FMN1: variants seen among roughly 807,000 people sequenced by gnomAD.
The protein encoded by FMN1 is formin 1.
A neutral mutation model predicts 132.4 loss-of-function variants in FMN1; 110 were observed. That is an observed-to-expected ratio of 0.83 (90% CI 0.71 to 0.97). FMN1 has a LOEUF of 0.97. Ranked by LOEUF, FMN1 falls within the 50% of genes least tolerant of loss-of-function variation. The probability of loss-of-function intolerance (pLI) is 0.00; values close to 1 mark genes in which losing one functional copy is unlikely to be tolerated. For missense variants in FMN1, 1,792 were observed against 1,705.3 expected, an observed-to-expected ratio of 1.05 and a Z score of -0.90; for synonymous variants, 722 against 651.7, an observed-to-expected ratio of 1.11 and a Z score of -1.64.
chr15:33,182,714 A>G (rs2140344607), intron 2 of FMN1, among the ~76,000 whole-genome samples: 1 of 152,058 alleles, frequency 6.6e-6, no homozygotes, highest in Non-Finnish European at 1.5e-5. Context: ...GGCGCCATCT[A>G]CCTCTCACTG....
chr15:33,172,487 A>C (rs1362782825), intron 3 of FMN1, among the ~76,000 whole-genome samples: 1 of 152,242 alleles, frequency 6.6e-6, no homozygotes, highest in Admixed American at 6.5e-5. Context: ...TGATGGGTAC[A>C]GCCATCTGCA....
chr15:33,129,866 C>A lies in FMN1; in HGVS notation c.1867+23182G>T, dbSNP rs1411290036. Among the ~76,000 whole-genome samples the A allele has an allele frequency of 2.0e-5, 3 of 149,952 alleles. No homozygotes were observed. The East Asian group carries it at 5.9e-4, about 29-fold the overall frequency. ...GGAGTGCAGTGGCACAATCTCGGCT[C>A]ACTGCAACCTCCACCTCCCAGGTTC... is the stretch of plus-strand genomic sequence containing the variant. On this transcript the variant is annotated intron_variant, in intron 4 of 20. Transcript: ENST00000616417.
intron 9 of FMN1, among the ~76,000 whole-genome samples, chr15:32,926,724 G>C (rs2060971097): frequency 6.6e-6 from 1 of 152,166 alleles, no homozygotes; most frequent in Non-Finnish European, 1.5e-5. Context: ...CAGTGATATG[G>C]CCTTGGTAAA....
At chr15:33,167,220 C>T (rs1041045221) in intron 3 of FMN1, among the ~76,000 whole-genome samples, 1 of 152,022 alleles carries the variant, frequency 6.6e-6, no homozygotes, top group African/African-American at 2.4e-5. Context: ...ATCATGGTGG[C>T]GGTTTTCCCA....
chr15:32,872,546 C>T (rs1439923545), intron 16 of FMN1, among the ~76,000 whole-genome samples: 1 of 152,246 alleles, frequency 6.6e-6, no homozygotes, highest in Non-Finnish European at 1.5e-5. Context: ...GCAATTTTTA[C>T]TAGAATTGAG....
intron 17 of FMN1, among the ~76,000 whole-genome samples, chr15:32,829,427 AG>A (rs1040349616): frequency 6.6e-6 from 1 of 152,216 alleles, no homozygotes; most frequent in East Asian, 1.9e-4. Flanking sequence ...CCCCCAGGAG[AG>A]GGGGGTGAAA....
intron 5 of FMN1, chr15:33,067,759 C>T (rs776701862): frequency 9.3e-6 from 15 of 1,613,884 alleles, no homozygotes; most frequent in Admixed American, 8.3e-5. Context: ...CTAATTTACT[C>T]GTAAACCCAA....
chr15:33,155,086 A>G (rs1218893694), intron 3 of FMN1, 41 bp from the exon 4 acceptor site: 20 of 590,832 alleles, frequency 3.4e-5, no homozygotes, highest in Non-Finnish European at 5.7e-5. Flanking sequence ...TGTCTAACAG[A>G]GTGCATAAAT....
intron 2 of FMN1, among the ~76,000 whole-genome samples, chr15:33,183,940 A>T (rs1439932958): frequency 6.6e-6 from 1 of 152,138 alleles, no homozygotes; most frequent in Non-Finnish European, 1.5e-5. Flanking sequence ...AATCACAATG[A>T]CTTTAACTTC....
At chr15:32,920,066 A>T (rs1206196203) in intron 10 of FMN1, among the ~76,000 whole-genome samples, 1 of 152,208 alleles carries the variant, frequency 6.6e-6, no homozygotes, top group Non-Finnish European at 1.5e-5. Flanking sequence ...ATAAATATTA[A>T]TTCTGCGTGT....
intron 17 of FMN1, among the ~76,000 whole-genome samples, chr15:32,824,168 C>A (rs549355685): frequency 6.6e-6 from 1 of 152,204 alleles, no homozygotes; most frequent in Non-Finnish European, 1.5e-5. Context: ...AATCTTTGGT[C>A]ACGTTATTAT....
intron 9 of FMN1, among the ~76,000 whole-genome samples, chr15:32,933,237 T>C (rs1482012672): frequency 6.6e-6 from 1 of 152,236 alleles, no homozygotes; most frequent in African/African-American, 2.4e-5. Context: ...TTTGACCCAC[T>C]GGTTGTTCAA....
chr15:32,812,103 G>A (rs531423138), intron 17 of FMN1, among the ~76,000 whole-genome samples: 38 of 152,230 alleles, frequency 2.5e-4, no homozygotes, highest in African/African-American at 9.1e-4. Flanking sequence ...CTCAACCAGG[G>A]TCCTTCATCT....
At chr15:32,905,991 G>A (rs184145656) in intron 12 of FMN1, among the ~76,000 whole-genome samples, 743 of 152,282 alleles carry the variant, frequency 4.9e-3, no homozygotes, top group Non-Finnish European at 7.8e-3. Context: ...GCGTGTTCAC[G>A]AAGCCATTAC....
At chr15:32,989,615 C>G (rs2033309825) in intron 7 of FMN1, among the ~76,000 whole-genome samples, 1 of 152,108 alleles carries the variant, frequency 6.6e-6, no homozygotes, top group South Asian at 2.1e-4. Flanking sequence ...ATACCATGCT[C>G]AAGACTTTGA....
chr15:33,093,723 A>T (rs2038982236), intron 4 of FMN1, among the ~76,000 whole-genome samples: 1 of 152,172 alleles, frequency 6.6e-6, no homozygotes, highest in African/African-American at 2.4e-5. Context: ...GGACAGGCGG[A>T]AGGTGTGGCC....
chr15:32,973,474 A>G (rs1173523810), intron 7 of FMN1, among the ~76,000 whole-genome samples: 1 of 152,172 alleles, frequency 6.6e-6, no homozygotes, highest in East Asian at 1.9e-4. Context: ...ACCAAATAAG[A>G]AGGAAAACAA....
At chr15:33,132,574 G>A (rs1963594432) in intron 4 of FMN1, among the ~76,000 whole-genome samples, 1 of 152,142 alleles carries the variant, frequency 6.6e-6, no homozygotes, top group South Asian at 2.1e-4. Context: ...AATATTATAT[G>A]CATGTATTAT....
intron 9 of FMN1, among the ~76,000 whole-genome samples, chr15:32,934,598 CTTTTTTTT>C (rs376553575): frequency 7.9e-6 from 1 of 127,128 alleles, no homozygotes; most frequent in Non-Finnish European, 1.7e-5. Flanking sequence ...AATTTTTTTC[CTTTTTTTT>C]TTTTTTTTTT....
Sources: gnomAD v4.1 joint callset for allele counts (sites outside exome capture counted in the v4.1 genomes callset) on GRCh38, gnomAD v4.1.1 for gene constraint, MANE v1.5 for transcripts, NCBI Gene and HGNC (gene_info 2026-07-23, HGNC 2026-07-21) for gene names.